The following SARAF variants were observed in gnomAD, a reference collection of about 807,000 sequenced individuals.
The protein encoded by SARAF is store-operated calcium entry-associated regulatory factor.
SARAF carries 23 observed loss-of-function variants against 39.7 expected under a neutral mutation model. The ratio of observed to expected loss-of-function variants is 0.58; its 90% CI spans 0.42 to 0.82. The LOEUF is 0.82. Among genes scored for constraint, SARAF ranks in the 40% least tolerant of loss-of-function variants. The probability of loss-of-function intolerance (pLI) is 0.00; values close to 1 mark genes in which losing one functional copy is unlikely to be tolerated. For missense variants in SARAF, 384 were observed against 418.5 expected, an observed-to-expected ratio of 0.92 and a Z score of 0.72; for synonymous variants, 175 against 168.5, an observed-to-expected ratio of 1.04 and a Z score of -0.30.
intron 1 of SARAF, among the ~76,000 whole-genome samples, chr8:30,077,767 A>C (rs1802001882): frequency 6.6e-6 from 1 of 151,898 alleles, no homozygotes; most frequent in Non-Finnish European, 1.5e-5. Flanking sequence ...GTGCCACTGC[A>C]CTCCAGCCTG....
upstream of SARAF, chr8:30,083,190 G>A: frequency 5.1e-6 from 2 of 394,790 alleles, no homozygotes; most frequent in Admixed American, 4.9e-5. Context: ...CGCGGCTTGG[G>A]GCGGGGCGAG....
intron 5 of SARAF, among the ~76,000 whole-genome samples, chr8:30,064,657 C>T (rs914182209): frequency 6.8e-6 from 1 of 147,740 alleles, no homozygotes; most frequent in Non-Finnish European, 1.5e-5. Context: ...CTGCCTCCCG[C>T]GTTCAAGCGA....
Position 30,066,855 on chromosome 8 carries a change from C to A in SARAF, c.764G>T (p.Gly255Val). 1 of 1,614,160 alleles carries A rather than the reference C, an allele frequency of 6.2e-7. No homozygotes were observed. The highest frequency in any genetic ancestry group is 8.5e-7 in the Non-Finnish European group (1 of 1,180,034). ...GFGSAFTGQQ[G>V]YENSGPGFWT... ...GAACCCTGGTCCTGAATTTTCATATCCTTGTTGTCCTGTAAAAGCACTGCC... is the reference window on the plus strand; with the variant it reads ...GAACCCTGGTCCTGAATTTTCATATACTTGTTGTCCTGTAAAAGCACTGCC... The change falls in exon 4 of 6, where the codon GGA becomes GTA. Residue 255 changes from glycine (G) to valine (V), a missense_variant. Coordinates refer to ENST00000256255, the MANE Select transcript of SARAF (RefSeq NM_016127.6).
At chr8:30,070,136 G>A (rs1057358638) in intron 2 of SARAF, 77 bp from the exon 3 acceptor site, 74 of 1,321,886 alleles carry the variant, frequency 5.6e-5, no homozygotes, top group East Asian at 9.2e-5. Flanking sequence ...GGGGCCGGGC[G>A]CAGTGGCTCA....
chr8:30,076,051 C>T (rs1025534845), intron 1 of SARAF, among the ~76,000 whole-genome samples: 6 of 132,886 alleles, frequency 4.5e-5, no homozygotes, highest in Admixed American at 3.2e-4. Context: ...GCCTGGAATA[C>T]ACACTACAGG....
chr8:30,064,476 A>AG (rs1342172932), intron 5 of SARAF, among the ~76,000 whole-genome samples: 40 of 146,226 alleles, frequency 2.7e-4, no homozygotes, highest in Middle Eastern at 3.6e-3. Context: ...TCATGATTTT[A>AG]TGCAAGTCTT....
At chr8:30,074,511 G>A (rs923344199) in intron 1 of SARAF, among the ~76,000 whole-genome samples, 1 of 152,160 alleles carries the variant, frequency 6.6e-6, no homozygotes, top group Admixed American at 6.5e-5. Flanking sequence ...GAGTGAACTA[G>A]AATTCATGTA....
chr8:30,071,699 A>G (rs1020269372), intron 2 of SARAF, among the ~76,000 whole-genome samples: 2 of 152,250 alleles, frequency 1.3e-5, no homozygotes, highest in Non-Finnish European at 2.9e-5. Flanking sequence ...CAGGAATGTA[A>G]TAATACAATA....
chr8:30,082,580 TCCGGGAGTCCGGGGCAGGG>T (rs1802130669), intron 1 of SARAF, among the ~76,000 whole-genome samples: 1 of 152,152 alleles, frequency 6.6e-6, no homozygotes, highest in South Asian at 2.1e-4. Flanking sequence ...ATGGGCAAAT[TCCGGGAGTCCGGGGCAGGG>T]AGAAAGGGGA....
intron 3 of SARAF, among the ~76,000 whole-genome samples, 187 bp downstream of exon 3, chr8:30,069,455 T>C (rs1801777594): frequency 6.6e-6 from 1 of 152,022 alleles, no homozygotes; most frequent in Non-Finnish European, 1.5e-5. Flanking sequence ...GGCATTAACA[T>C]AGCAACCACA....
At chr8:30,082,695 AG>A (rs1802134460) in intron 1 of SARAF, 151 bp downstream of exon 1, 1 of 569,654 alleles carries the variant, frequency 1.8e-6, no homozygotes, top group East Asian at 3.5e-5. Flanking sequence ...CAGTGGAACC[AG>A]GGAGAGCACG....
chr8:30,064,548 TATATATATATA>T (rs1219485268), intron 5 of SARAF, among the ~76,000 whole-genome samples: 8 of 47,674 alleles, frequency 1.7e-4, no homozygotes, highest in Admixed American at 4.8e-4. Flanking sequence ...TATATATATA[TATATATATATA>T]TATTTTTTTT....
intron 1 of SARAF, among the ~76,000 whole-genome samples, chr8:30,075,289 A>C (rs567605506): frequency 1.3e-3 from 140 of 110,422 alleles, no homozygotes; most frequent in African/African-American, 4.6e-3. Flanking sequence ...AACAAGAATG[A>C]AACTCCATCT....
intron 1 of SARAF, chr8:30,078,161 AG>A: frequency 1.5e-5 from 5 of 340,512 alleles, no homozygotes; most frequent in African/African-American, 4.7e-5. Context: ...AAAGAAAGAA[AG>A]AAAAAAGACA....
At chr8:30,069,019 A>AT (rs1350317230) in intron 3 of SARAF, among the ~76,000 whole-genome samples, 2 of 152,134 alleles carry the variant, frequency 1.3e-5, no homozygotes, top group Non-Finnish European at 1.5e-5. Context: ...GTTGAGATTT[A>AT]TAATACTTAA....
rs1463589996 is a variant in SARAF, at chr8:30,063,281, C to T, written c.*607G>A. 1.3e-5 allele frequency: 2 copies of T among 152,298 alleles called. No individual in the cohort carries two copies. Among genetic ancestry groups the T allele is most frequent in the Non-Finnish European group, 2.9e-5 (2 of 68,132 alleles). 9.4% of individuals were successfully genotyped at this position (152,298 alleles called of 1,614,324 possible). A position where few individuals can be genotyped will look rare whatever the true frequency, so the allele number is the denominator to read the frequency against. ...GCATTTTTGCCAGCACAGAGTCATT[C>T]ACAACAACCTTCTAGATGCTTATTT... On this transcript the variant is annotated 3_prime_UTR_variant, in exon 6 of 6. Transcript: ENST00000256255.
rs185268266 is a variant in SARAF, at chr8:30,069,562, G to A, written c.700+80C>T. 5.4e-3 allele frequency: 7,512 copies of A among 1,403,780 alleles called. 27 individuals are homozygous for A. The highest frequency in any genetic ancestry group is 6.6e-3 in the Non-Finnish European group (6,847 of 1,037,246). 87.0% of individuals were successfully genotyped at this position (1,403,780 alleles called of 1,614,324 possible). On this transcript the variant is annotated intron_variant, in intron 3 of 5. Coordinates refer to ENST00000256255, the MANE Select transcript of SARAF (RefSeq NM_016127.6). ...ACCTCCTTTGGTTTCCCAATGCAAC[G>A]ATTTTCTATTTCAGAACCAAGCACA...
At chr8:30,065,963 A>C in intron 5 of SARAF, 25 bp downstream of exon 5, 2 of 1,549,300 alleles carry the variant, frequency 1.3e-6, no homozygotes, top group East Asian at 4.5e-5. Flanking sequence ...CCTAGGTAAA[A>C]GGAACTTGTA....
rs761914339 is a variant in SARAF, at chr8:30,066,110, T to G, written c.872A>C (p.Tyr291Ser). The part of the protein sequence containing the change: ...RAATPFSDSW[Y>S]YPSYPPSYPG... ...GTAGGAGGGAGGATAGGACGGGTAG[T>G]ACCACGAGTCTGAGAAGGGTGTTGC... Residue 291 changes from tyrosine (Y) to serine (S), a missense_variant, in exon 5 of 6, where the codon TAC becomes TCC. Transcript: ENST00000256255. The G allele has an allele frequency of 2.5e-6, 4 of 1,614,024 alleles. No homozygotes were observed. Among genetic ancestry groups the G allele is most frequent in the African/African-American group, 1.3e-5 (1 of 74,908 alleles).
Sources: gnomAD v4.1 joint callset for allele counts (sites outside exome capture counted in the v4.1 genomes callset) on GRCh38, gnomAD v4.1.1 for gene constraint, MANE v1.5 for transcripts, NCBI Gene and HGNC (gene_info 2026-07-23, HGNC 2026-07-21) for gene names.